The following PTPRD variants were observed in gnomAD, a reference collection of about 807,000 sequenced individuals.
The protein encoded by PTPRD is receptor-type tyrosine-protein phosphatase delta.
In PTPRD, 34 loss-of-function variants were observed where a neutral mutation model predicts 214.5. The ratio of observed to expected loss-of-function variants is 0.16; its 90% CI spans 0.12 to 0.21. PTPRD has a LOEUF of 0.21. Ranked by LOEUF, PTPRD falls within the 10% of genes least tolerant of loss-of-function variation. The pLI is 1.00. For synonymous variants in PTPRD, 1,128 were observed against 845.7 expected, an observed-to-expected ratio of 1.33 and a Z score of -5.79; for missense variants, 2,545 against 2,398.7, an observed-to-expected ratio of 1.06 and a Z score of -1.27.
intron 7 of PTPRD, among the ~76,000 whole-genome samples, chr9:9,617,487 A>G (rs1452012986): frequency 6.6e-6 from 1 of 152,198 alleles, no homozygotes; most frequent in African/African-American, 2.4e-5. Context: ...ACACAGATTG[A>G]ATAATGGAAG....
intron 7 of PTPRD, among the ~76,000 whole-genome samples, chr9:9,675,338 GC>G (rs1292642432): frequency 6.6e-6 from 1 of 151,832 alleles, no homozygotes; most frequent in Non-Finnish European, 1.5e-5. Flanking sequence ...TATGAAGAAT[GC>G]CTAAAAATTA....
chr9:9,846,137 G>A (rs577958189), intron 5 of PTPRD, among the ~76,000 whole-genome samples: 11 of 151,984 alleles, frequency 7.2e-5, no homozygotes, highest in Non-Finnish European at 1.2e-4. Flanking sequence ...TAGGTAATAT[G>A]CTTCCTCCCT....
At chr9:9,273,194 A>G (rs1242492429) in intron 9 of PTPRD, among the ~76,000 whole-genome samples, 1 of 151,276 alleles carries the variant, frequency 6.6e-6, no homozygotes, top group South Asian at 2.1e-4. Flanking sequence ...GGCAAAAATG[A>G]TTTCCAAGTT....
intron 3 of PTPRD, among the ~76,000 whole-genome samples, chr9:10,307,399 A>G (rs948651228): frequency 1.6e-4 from 25 of 152,074 alleles, no homozygotes; most frequent in Admixed American, 1.3e-3. Flanking sequence ...TATAAATGAC[A>G]GGACTGTGTT....
intron 10 of PTPRD, among the ~76,000 whole-genome samples, chr9:9,057,708 G>A (rs1438450432): frequency 4.6e-5 from 7 of 152,116 alleles, no homozygotes; most frequent in African/African-American, 1.7e-4. Flanking sequence ...GAGTAAAGCT[G>A]CTGAGAATGT....
At chr9:9,195,395 T>G (rs1366927902) in intron 9 of PTPRD, among the ~76,000 whole-genome samples, 1 of 152,082 alleles carries the variant, frequency 6.6e-6, no homozygotes, top group Admixed American at 6.6e-5. Flanking sequence ...GAAACTGTGT[T>G]CACTATCAAC....
At chr9:8,735,501 A>G (rs541623320) in intron 11 of PTPRD, among the ~76,000 whole-genome samples, 4 of 152,274 alleles carry the variant, frequency 2.6e-5, no homozygotes, top group African/African-American at 4.8e-5. Flanking sequence ...TTGCATTTCT[A>G]CATGTTCCTG....
chr9:9,361,555 A>T (rs1008717698), intron 9 of PTPRD, among the ~76,000 whole-genome samples: 1 of 150,918 alleles, frequency 6.6e-6, no homozygotes. Context: ...ACAGAGGTAC[A>T]TGTTTTTGGT....
At chr9:9,749,232 G>C (rs1469827626) in intron 6 of PTPRD, among the ~76,000 whole-genome samples, 1 of 152,140 alleles carries the variant, frequency 6.6e-6, no homozygotes, top group Non-Finnish European at 1.5e-5. Flanking sequence ...TGATCAGGGA[G>C]GGCCAACTCT....
intron 2 of PTPRD, among the ~76,000 whole-genome samples, chr9:10,422,325 C>A (rs147950274): frequency 2.0e-5 from 3 of 152,112 alleles, no homozygotes; most frequent in African/African-American, 7.2e-5. Context: ...GGATTAAAGA[C>A]TTAAATGTTA....
At chr9:10,264,220 G>T (rs2475342) in intron 3 of PTPRD, among the ~76,000 whole-genome samples, 23,847 of 152,080 alleles carry the variant, frequency 0.16, 1,983 homozygotes, top group African/African-American at 0.2. Context: ...CCACTGGGGC[G>T]CTGCCTAGTG....
At chr9:8,710,622 T>A (rs1426410898) in intron 12 of PTPRD, among the ~76,000 whole-genome samples, 1 of 151,874 alleles carries the variant, frequency 6.6e-6, no homozygotes, top group Admixed American at 6.6e-5. Context: ...TCTCAAAAAA[T>A]AAATAAATAA....
At chr9:9,082,415 A>G (rs1387524078) in intron 10 of PTPRD, among the ~76,000 whole-genome samples, 2 of 152,140 alleles carry the variant, frequency 1.3e-5, no homozygotes, top group Admixed American at 6.6e-5. Flanking sequence ...GCTTCATGCT[A>G]AAAACTCTCA....
chr9:10,566,186 T>C (rs190670722), intron 2 of PTPRD, among the ~76,000 whole-genome samples: 2 of 152,026 alleles, frequency 1.3e-5, no homozygotes, highest in Admixed American at 1.3e-4. Flanking sequence ...TTGTGAGCAC[T>C]TGTGCCTTTC....
At chr9:9,335,202 G>C (rs1416873752) in intron 9 of PTPRD, among the ~76,000 whole-genome samples, 1 of 151,992 alleles carries the variant, frequency 6.6e-6, no homozygotes, top group African/African-American at 2.4e-5. Context: ...GCCTTAAAAA[G>C]TCATTGTCAT....
At chr9:10,318,981 G>T (rs768434517) in intron 3 of PTPRD, among the ~76,000 whole-genome samples, 17 of 152,002 alleles carry the variant, frequency 1.1e-4, no homozygotes, top group Non-Finnish European at 2.4e-4. Context: ...AAAACATGTT[G>T]TTGCTGCTGC....
intron 12 of PTPRD, among the ~76,000 whole-genome samples, chr9:8,696,781 A>C (rs2097919461): frequency 6.6e-6 from 1 of 152,228 alleles, no homozygotes; most frequent in Non-Finnish European, 1.5e-5. Context: ...ATTCCAAGTT[A>C]AATTGATACA....
At chr9:8,565,026 T>C (rs1000849944) in intron 14 of PTPRD, among the ~76,000 whole-genome samples, 2 of 152,094 alleles carry the variant, frequency 1.3e-5, no homozygotes, top group African/African-American at 2.4e-5. Flanking sequence ...CATTGAAAAA[T>C]GCCCTCAAAT....
intron 8 of PTPRD, among the ~76,000 whole-genome samples, chr9:9,466,202 A>C (rs1371344559): frequency 6.6e-6 from 1 of 152,036 alleles, no homozygotes; most frequent in East Asian, 1.9e-4. Flanking sequence ...CCATCTACTT[A>C]AGAGGCTGAG....
Sources: gnomAD v4.1 joint callset for allele counts (sites outside exome capture counted in the v4.1 genomes callset) on GRCh38, gnomAD v4.1.1 for gene constraint, MANE v1.5 for transcripts, NCBI Gene and HGNC (gene_info 2026-07-23, HGNC 2026-07-21) for gene names.